RIPPLY3: variants seen among roughly 807,000 people sequenced by gnomAD.
RIPPLY3 encodes ripply transcriptional repressor 3, also known as protein ripply3.
RIPPLY3 carries 8 observed loss-of-function variants against 11.9 expected under a neutral mutation model. The observed-to-expected ratio is 0.67, with a 90% CI of 0.40 to 1.21. The LOEUF (loss-of-function observed/expected upper bound fraction) is 1.21, where lower values mean the gene tolerates loss of function less well. Ranked by LOEUF, RIPPLY3 falls within the 50% of genes most tolerant of loss-of-function variation. RIPPLY3 has a pLI of 0.01. For missense variants in RIPPLY3, 271 were observed against 246.0 expected (o/e 1.10, Z -0.68); for synonymous variants, 102 against 99.0 (o/e 1.03, Z -0.18).
chr21:37,011,298 G>A (rs2069519479), intron 2 of RIPPLY3, among the ~76,000 whole-genome samples: 1 of 152,218 alleles, frequency 6.6e-6, no homozygotes, highest in Non-Finnish European at 1.5e-5. Flanking sequence ...GTGAGCCACT[G>A]CGCCCTGCCT....
intron 3 of RIPPLY3, among the ~76,000 whole-genome samples, chr21:37,014,793 C>T (rs1487297672): frequency 6.6e-6 from 1 of 152,220 alleles, no homozygotes; most frequent in Non-Finnish European, 1.5e-5. Flanking sequence ...GTGGCACAAT[C>T]TCAGCTCACT....
Position 37,006,928 on chromosome 21 carries a change from C to A in RIPPLY3, c.104+52C>A. The stretch of plus-strand genomic sequence containing the variant: ...ACGCGCTGAGAGGCGTGCGCGGTGG[C>A]GGTGCGGGGAGCGCAGCGAGCGGGA... On this transcript the variant is annotated intron_variant, in intron 1 of 3. Transcript: ENST00000329553. This position sits in a 1 kb window ranked among gnomAD's most constrained non-coding sequence, Gnocchi z 5.2. 9.5e-7 allele frequency: 1 copy of A among 1,055,800 alleles called. No homozygotes were observed. Among genetic ancestry groups the A allele is most frequent in the Non-Finnish European group, 1.2e-6 (1 of 832,308 alleles). The allele number at this position is 1,055,800 out of a possible 1,614,324, so 65.4% of individuals were successfully genotyped here. A position where few individuals can be genotyped will look rare whatever the true frequency, so the allele number is the denominator to read the frequency against.
At chr21:37,008,277 G>A in intron 2 of RIPPLY3, 54 bp downstream of exon 2, 6 of 1,589,288 alleles carry the variant, frequency 3.8e-6, no homozygotes, top group Non-Finnish European at 3.4e-6. Flanking sequence ...AAGTGGCATC[G>A]TCTTTTAAAA....
intron 2 of RIPPLY3, among the ~76,000 whole-genome samples, chr21:37,012,212 T>TTTTTATTATTATTA (rs773284506): frequency 1.5e-5 from 2 of 132,512 alleles, no homozygotes; most frequent in African/African-American, 5.4e-5. Flanking sequence ...CCGCTCCTTA[T>TTTTTATTATTATTA]TTATTATTAT....
chr21:37,006,941 G>T lies in RIPPLY3; in HGVS notation c.104+65G>T. 1 of 978,094 alleles carries T rather than the reference G, an allele frequency of 1.0e-6. No homozygotes were observed. Among genetic ancestry groups the T allele is most frequent in the African/African-American group, 1.7e-5 (1 of 59,014 alleles). 60.6% of individuals were successfully genotyped at this position (978,094 alleles called of 1,614,324 possible). On this transcript the variant is annotated intron_variant, in intron 1 of 3. Coordinates refer to ENST00000329553, the MANE Select transcript of RIPPLY3 (RefSeq NM_018962.3). This position sits in a 1 kb window ranked among gnomAD's most constrained non-coding sequence, Gnocchi z 5.2. ...CGTGCGCGGTGGCGGTGCGGGGAGCGCAGCGAGCGGGAGGCTGGGGCGCTG... is the reference window on the plus strand; with the variant it reads ...CGTGCGCGGTGGCGGTGCGGGGAGCTCAGCGAGCGGGAGGCTGGGGCGCTG...
At chr21:37,016,351 T>C (rs960565029) in intron 3 of RIPPLY3, among the ~76,000 whole-genome samples, 1 of 152,244 alleles carries the variant, frequency 6.6e-6, no homozygotes, top group Middle Eastern at 3.4e-3. Context: ...TCGAGAACCA[T>C]TGGTCTATTG....
At position 37,017,970 on chromosome 21, in the gene RIPPLY3, C is replaced by T. The variant is rs376012288; in HGVS notation, c.336C>T (p.Tyr112=). The change falls in exon 4 of 4, where the codon TAC becomes TAT. Residue 112 remains tyrosine (Y), a synonymous_variant. Transcript: ENST00000329553. ...SFPVQATIDF[Y]DDESTESASE... ...CAGTGCAAGCCACGATTGACTTCTA[C>T]GACGATGAGTCTACTGAGTCTGCTT... 148 of 1,614,126 alleles carry T rather than the reference C, an allele frequency of 9.2e-5. No individual in the cohort carries two copies. In the East Asian group the frequency reaches 1.8e-3, roughly 20 times the overall value.
At chr21:37,014,980 G>A (rs915475772) in intron 3 of RIPPLY3, among the ~76,000 whole-genome samples, 3 of 151,904 alleles carry the variant, frequency 2.0e-5, no homozygotes, top group Admixed American at 6.6e-5. Flanking sequence ...CTCTTCCCTC[G>A]GCCTCCCAAA....
rs77429661 is a variant in RIPPLY3 at position 37,013,625 on chromosome 21, T to C, written c.239+7T>C. 0.036 allele frequency: 58,441 copies of C among 1,607,868 alleles called. 1,247 individuals carry two copies. Among genetic ancestry groups the C allele is most frequent in the South Asian group, 0.057 (5,167 of 90,734 alleles). ...GGTTTCAGCATCCTGTAAGGTAATA[T>C]ACGACTTCACAATAAGTAATCTGTA... On this transcript the variant is annotated splice_region_variant and intron_variant, in intron 3 of 3. Coordinates refer to ENST00000329553, the MANE Select transcript of RIPPLY3 (RefSeq NM_018962.3).
chr21:37,012,337 A>G (rs2069533234), intron 2 of RIPPLY3, among the ~76,000 whole-genome samples: 1 of 151,828 alleles, frequency 6.6e-6, no homozygotes, highest in Admixed American at 6.6e-5. Context: ...TCCCGGGTTC[A>G]GGCGATTCTC....
chr21:37,008,376 ATGAGTAAGGT>A (rs57389032), intron 2 of RIPPLY3, among the ~76,000 whole-genome samples, 153 bp downstream of exon 2: 29,633 of 152,018 alleles, frequency 0.19, 3,131 homozygotes, highest in South Asian at 0.33. Flanking sequence ...TGGAACCTGA[ATGAGTAAGGT>A]GTTAATCAGA....
At chr21:37,016,889 C>A (rs1457977714) in intron 3 of RIPPLY3, among the ~76,000 whole-genome samples, 1 of 151,838 alleles carries the variant, frequency 6.6e-6, no homozygotes, top group Non-Finnish European at 1.5e-5. Context: ...GGAGTGGTGG[C>A]TCATGCCTAT....
In RIPPLY3 at chr21:37,018,249, T is replaced by A; in HGVS notation, c.*42T>A. The A allele has an allele frequency of 6.5e-7, 1 of 1,538,984 alleles. No individual in the cohort carries two copies. The highest frequency in any genetic ancestry group is 9.0e-7 in the Non-Finnish European group (1 of 1,114,200). Reference sequence around the variant, plus strand: ...TGGGCCCTGCTCTGGGACCTGCCCCTCACGTTCTCTTGGGGACACCCGAGC... The same window carrying A: ...TGGGCCCTGCTCTGGGACCTGCCCCACACGTTCTCTTGGGGACACCCGAGC... On this transcript the variant is annotated 3_prime_UTR_variant, in exon 4 of 4. Transcript: ENST00000329553.
rs571190362 is a variant in RIPPLY3, at chr21:37,011,152, G to A, written c.172-2399G>A. 2.0e-5 allele frequency among the ~76,000 whole-genome samples: 3 copies of A among 152,180 alleles called. No individual in the cohort carries two copies. The South Asian group carries it at 6.2e-4, about 32-fold the overall frequency. On this transcript the variant is annotated intron_variant, in intron 2 of 3. Transcript: ENST00000329553. ...CAAGTAGCTGGGATTACAAGCGTGC[G>A]CCACCACGCCCGGCTAATTTTTGTA...
rs1348198080 is a variant in RIPPLY3 at position 37,019,544 on chromosome 21, T to G, written c.*1337T>G. On this transcript the variant is annotated 3_prime_UTR_variant, in exon 4 of 4. Transcript: ENST00000329553. ...TCTGATGTAAAATTATTTTGAGTTT[T>G]TAATATTTTGATAAACGTGTATTCC... 6.6e-6 allele frequency: 1 copy of G among 152,144 alleles called. No homozygotes were observed. Among genetic ancestry groups the G allele is most frequent in the Non-Finnish European group, 1.5e-5 (1 of 68,036 alleles). The allele number at this position is 152,144 out of a possible 1,614,324, so 9.4% of individuals were successfully genotyped here. A position where few individuals can be genotyped will look rare whatever the true frequency, so the allele number is the denominator to read the frequency against.
At chr21:37,016,004 G>C (rs1318495911) in intron 3 of RIPPLY3, among the ~76,000 whole-genome samples, 1 of 151,118 alleles carries the variant, frequency 6.6e-6, no homozygotes, top group Non-Finnish European at 1.5e-5. Flanking sequence ...ATGAGCCACT[G>C]TGTCCCACCC....
chr21:37,014,733 G>A (rs916358910), intron 3 of RIPPLY3, among the ~76,000 whole-genome samples: 2 of 152,172 alleles, frequency 1.3e-5, no homozygotes, highest in African/African-American at 4.8e-5. Context: ...TACACCAATA[G>A]TTTTCTTTTC....
intron 3 of RIPPLY3, among the ~76,000 whole-genome samples, chr21:37,015,320 T>C (rs140067388): frequency 0.011 from 1,625 of 152,262 alleles, 29 homozygotes; most frequent in African/African-American, 0.036. Context: ...CGTGCTGCCA[T>C]GCCTGGCTAA....
chr21:37,018,354 CAG>C lies in RIPPLY3; in HGVS notation c.*149_*150del. The C allele has an allele frequency of 1.6e-6, 1 of 634,220 alleles. No individual in the cohort carries two copies. Among genetic ancestry groups the C allele is most frequent in the Non-Finnish European group, 2.7e-6 (1 of 366,610 alleles). The allele number at this position is 634,220 out of a possible 1,614,324, so 39.3% of individuals were successfully genotyped here. A position where few individuals can be genotyped will look rare whatever the true frequency, so the allele number is the denominator to read the frequency against. ...CCCCTGGCCTGCACACTACTCATGACAGAAAGTCAGCTTTTACTTTTCTTTCC... is the reference window on the plus strand; with the variant it reads ...CCCCTGGCCTGCACACTACTCATGACAAAGTCAGCTTTTACTTTTCTTTCC... On this transcript the variant is annotated 3_prime_UTR_variant, in exon 4 of 4. Transcript: ENST00000329553.
Sources: allele counts gnomAD v4.1 joint callset (sites outside exome capture counted in the v4.1 genomes callset), GRCh38; gene constraint gnomAD v4.1.1; non-coding constraint Gnocchi (gnomAD v3.1); transcripts MANE v1.5; gene names NCBI Gene and HGNC (gene_info 2026-07-23, HGNC 2026-07-21).